RPN1: variants seen among roughly 807,000 people sequenced by gnomAD.
RPN1 encodes the protein dolichyl-diphosphooligosaccharide--protein glycosyltransferase subunit 1.
RPN1 carries 12 observed loss-of-function variants against 55.5 expected under a neutral mutation model. That is an observed-to-expected ratio of 0.22 (90% CI 0.14 to 0.35). The LOEUF is 0.35. Ranked by LOEUF, RPN1 falls within the 10% of genes least tolerant of loss-of-function variation. The pLI is 1.00. For missense variants in RPN1, 679 were observed against 761.3 expected (o/e 0.89, Z 1.27); for synonymous variants, 317 against 305.9 (o/e 1.04, Z -0.38).
chr3:128,644,431 G>T, intron 2 of RPN1: 1 of 296,826 alleles, frequency 3.4e-6, no homozygotes, highest in East Asian at 8.9e-5. Context: ...ACTGCTTGAG[G>T]ACAGGAGTTC....
At chr3:128,634,564 T>C (rs2069663446) in intron 3 of RPN1, among the ~76,000 whole-genome samples, 1 of 80,054 alleles carries the variant, frequency 1.2e-5, no homozygotes, top group Non-Finnish European at 2.7e-5. Context: ...TCCATAAACC[T>C]TTTTTTTTTT....
rs757998521 is a variant in RPN1 at position 128,632,000 on chromosome 3, T to C, written c.791A>G (p.Tyr264Cys). The C allele has an allele frequency of 2.8e-5, 46 of 1,614,182 alleles. No individual in the cohort carries two copies. The highest frequency in any genetic ancestry group is 1.6e-4 in the Middle Eastern group (1 of 6,062). The change falls in exon 4 of 10, where the codon TAT (tyrosine) becomes TGT (cysteine). Residue 264 changes from tyrosine to cysteine, a missense_variant. Around this residue, in one of 3 missense-constraint regions of RPN1, gnomAD observed 352 missense variants for 352.8 expected, o/e 1.00. Transcript: ENST00000296255. ...GAVLKGPFSR[Y>C]DYQRQPDSGI... is the part of the protein sequence containing the mutation. ...ACTATCTGGCTGTCTCTGGTAATCA[T>C]AGCGTGAGAAAGGCCCCTTAAGCAC...
At chr3:128,634,399 A>C (rs1317796650) in intron 3 of RPN1, among the ~76,000 whole-genome samples, 2 of 152,120 alleles carry the variant, frequency 1.3e-5, no homozygotes, top group Non-Finnish European at 1.5e-5. Flanking sequence ...TCTAAGTGGC[A>C]AAGGTATTAC....
At chr3:128,634,368 T>G (rs1027258163) in intron 3 of RPN1, among the ~76,000 whole-genome samples, 7 of 151,646 alleles carry the variant, frequency 4.6e-5, no homozygotes, top group African/African-American at 1.7e-4. Flanking sequence ...TGTAGTAATA[T>G]GTAAAATGTT....
intron 2 of RPN1, 62 bp downstream of exon 2, chr3:128,644,857 A>G (rs1559758300): frequency 6.3e-6 from 6 of 954,040 alleles, no homozygotes; most frequent in South Asian, 2.7e-5. Context: ...TTATGATCCC[A>G]TATGATCCCA....
At chr3:128,626,868 A>G in intron 5 of RPN1, 36 bp from the exon 6 acceptor site, 3 of 1,580,814 alleles carry the variant, frequency 1.9e-6, no homozygotes, top group East Asian at 2.2e-5. Context: ...ATGATGTGGA[A>G]AACGGATCAA....
intron 2 of RPN1, among the ~76,000 whole-genome samples, chr3:128,644,165 A>G (rs1011073538): frequency 6.6e-6 from 1 of 152,208 alleles, no homozygotes; most frequent in African/African-American, 2.4e-5. Flanking sequence ...TGAGGCAAAC[A>G]GCTTGGAGTT....
At chr3:128,645,685 C>T (rs926949992) in intron 1 of RPN1, among the ~76,000 whole-genome samples, 26 of 151,676 alleles carry the variant, frequency 1.7e-4, no homozygotes, top group African/African-American at 5.3e-4. Flanking sequence ...GGCGTGGTGG[C>T]GCTCGCCTGT....
intron 8 of RPN1, among the ~76,000 whole-genome samples, chr3:128,624,910 C>G (rs1210468064): frequency 6.6e-6 from 1 of 152,192 alleles, no homozygotes; most frequent in Non-Finnish European, 1.5e-5. Context: ...TCTCCTCCAC[C>G]AGGCCTCACC....
At chr3:128,641,609 C>CTTTT (rs200507415) in intron 2 of RPN1, among the ~76,000 whole-genome samples, 4 of 120,394 alleles carry the variant, frequency 3.3e-5, no homozygotes, top group Non-Finnish European at 6.8e-5. Context: ...TTTAGTGAAT[C>CTTTT]TTTTTTTTTT....
intron 5 of RPN1, chr3:128,627,037 A>G: frequency 1.8e-6 from 1 of 563,854 alleles, no homozygotes; most frequent in Non-Finnish European, 3.2e-6. Context: ...CAAAACACCG[A>G]CAGCCACAAG....
chr3:128,629,211 G>A (rs1202619025), intron 5 of RPN1, among the ~76,000 whole-genome samples: 1 of 152,002 alleles, frequency 6.6e-6, no homozygotes, highest in African/African-American at 2.4e-5. Flanking sequence ...ATAATTCACT[G>A]AGCTATACAT....
intron 5 of RPN1, chr3:128,627,201 T>G: frequency 7.3e-6 from 2 of 273,728 alleles, no homozygotes; most frequent in Admixed American, 4.5e-5. Context: ...CTCGGAGCAG[T>G]TGTGCCCTGC....
intron 3 of RPN1, among the ~76,000 whole-genome samples, chr3:128,636,568 AAC>A (rs1196763196): frequency 2.6e-5 from 4 of 152,150 alleles, no homozygotes; most frequent in Non-Finnish European, 5.9e-5. Flanking sequence ...ACATGTTCTA[AAC>A]ACACAGAGAG....
At chr3:128,627,474 G>T (rs2069607770) in intron 5 of RPN1, among the ~76,000 whole-genome samples, 1 of 152,106 alleles carries the variant, frequency 6.6e-6, no homozygotes. Flanking sequence ...CTTCGGAAAG[G>T]TCACATTAAA....
At chr3:128,635,690 T>TATATACACAC (rs376139334) in intron 3 of RPN1, among the ~76,000 whole-genome samples, 51 of 138,272 alleles carry the variant, frequency 3.7e-4, no homozygotes, top group Non-Finnish European at 6.6e-4. Flanking sequence ...TCTATAGATA[T>TATATACACAC]ACACACACAC....
At position 128,630,031 on chromosome 3, in the gene RPN1, C is replaced by T. The variant is rs1168968330; in HGVS notation, c.956G>A (p.Arg319His). 2 of 1,613,378 alleles carry T rather than the reference C, an allele frequency of 1.2e-6. No homozygotes were observed. The highest frequency in any genetic ancestry group is 2.2e-5 in the East Asian group (1 of 44,882). The change falls in exon 5 of 10, where the codon CGC (arginine) becomes CAC (histidine). Residue 319 changes from arginine to histidine, a missense_variant. Around this residue, in one of 3 missense-constraint regions of RPN1, gnomAD observed 306 missense variants for 360.0 expected, o/e 0.85. Coordinates refer to ENST00000296255, the MANE Select transcript of RPN1 (RefSeq NM_002950.4). ...DDSVEMEIRP[R>H]FPLFGGWKTH... is the part of the protein sequence containing the mutation. ...CTTCCACCCGCCAAAGAGAGGGAAG[C>T]GAGGCCGGATTTCCATCTCTACAGA...
Position 128,638,126 on chromosome 3 carries a change from G to A in RPN1, c.327-21C>T, listed in dbSNP as rs762254635. The A allele has an allele frequency of 2.5e-6, 4 of 1,582,296 alleles. No individual in the cohort carries two copies. In the South Asian group the frequency reaches 4.5e-5, roughly 18 times the overall value. On this transcript the variant is annotated intron_variant, in intron 2 of 9. Transcript: ENST00000296255. ...TCCCACTAAAGGAAGAACAAGGCAA[G>A]AGAAGTAAGAGAGACTGAGGATACT...
chr3:128,629,218 A>T (rs1259182827), intron 5 of RPN1, among the ~76,000 whole-genome samples: 2 of 152,072 alleles, frequency 1.3e-5, no homozygotes, highest in African/African-American at 4.8e-5. Flanking sequence ...ACTGAGCTAT[A>T]CATTTTTTGT....
Sources: gnomAD v4.1 joint callset for allele counts (sites outside exome capture counted in the v4.1 genomes callset) on GRCh38, gnomAD v4.1.1 for gene constraint, gnomAD v4.1.1 regional missense constraint, MANE v1.5 for transcripts, NCBI Gene and HGNC (gene_info 2026-07-23, HGNC 2026-07-21) for gene names.